Variants in SCN7A observed in about 807,000 individuals in gnomAD.
SCN7A encodes sodium voltage-gated channel alpha subunit 7.
SCN7A carries 138 observed loss-of-function variants against 155.2 expected under a neutral mutation model. The ratio of observed to expected loss-of-function variants is 0.89; its 90% confidence interval spans 0.77 to 1.02. The LOEUF (loss-of-function observed/expected upper bound fraction) is 1.02. Among genes scored for constraint, SCN7A ranks in the 50% least tolerant of loss-of-function variants. The pLI, the probability that SCN7A is intolerant of heterozygous loss-of-function variation, is 0.00. For synonymous variants in SCN7A, 693 were observed against 649.0 expected (o/e 1.07, Z -1.03); for missense variants, 2,058 against 1,986.6 (o/e 1.04, Z -0.68).
chr2:166,412,404 T>G, intron 23 of SCN7A, 126 bp downstream of exon 23: 2 of 1,091,870 alleles, frequency 1.8e-6, no homozygotes, highest in Non-Finnish European at 2.4e-6. Context: ...TTTTTTAAGA[T>G]ACATGTCAAA....
chr2:166,475,087 TATATACAC>T (rs1378642068), intron 3 of SCN7A, among the ~76,000 whole-genome samples: 6 of 121,078 alleles, frequency 5.0e-5, no homozygotes, highest in Admixed American at 2.7e-4. Context: ...TGTGTATATA[TATATACAC>T]ATATATATGT....
chr2:166,435,238 A>C (rs536104440), intron 15 of SCN7A, among the ~76,000 whole-genome samples: 4 of 152,240 alleles, frequency 2.6e-5, no homozygotes, highest in African/African-American at 9.6e-5. Flanking sequence ...TTAAGGATTT[A>C]AAGGAAAAGA....
At chr2:166,426,620 AAC>A (rs1701630540) in intron 18 of SCN7A, among the ~76,000 whole-genome samples, 1 of 152,130 alleles carries the variant, frequency 6.6e-6, no homozygotes, top group Non-Finnish European at 1.5e-5. Context: ...ATACAAAAGT[AAC>A]ACACAGTTTG....
intron 21 of SCN7A, chr2:166,414,382 C>A: frequency 1.6e-5 from 2 of 128,362 alleles, no homozygotes; most frequent in Admixed American, 9.2e-5. Flanking sequence ...CAGATACTAG[C>A]CCAAACTATT....
rs772318275 is a variant in SCN7A, at chr2:166,405,793, T to C, written c.4836A>G (p.Thr1612=). The C allele has an allele frequency of 6.8e-6, 11 of 1,612,984 alleles. No individual in the cohort carries two copies. Among genetic ancestry groups the C allele is most frequent in the Middle Eastern group, 1.6e-4 (1 of 6,072 alleles). The stretch of plus-strand genomic sequence containing the variant: ...TCAAAGTAGTCGTAATTGGCTCACA[T>C]GTGATCTTAAAAGGGTTGGCTAACA... The part of the protein sequence containing the change: ...GFLLANPFKI[T]CEPITTTLKR... The change falls in exon 26 of 26, where the codon ACA becomes ACG. Residue 1612 remains threonine (T), a synonymous_variant. Coordinates refer to ENST00000643258, the MANE Select transcript of SCN7A (RefSeq NM_002976.4).
At chr2:166,453,608 A>T (rs929094974) in intron 11 of SCN7A, among the ~76,000 whole-genome samples, 1 of 152,198 alleles carries the variant, frequency 6.6e-6, no homozygotes, top group African/African-American at 2.4e-5. Context: ...CAGATAAAAA[A>T]GTTGAAGTTT....
intron 11 of SCN7A, among the ~76,000 whole-genome samples, chr2:166,453,683 A>G (rs1702221502): frequency 6.6e-6 from 1 of 152,194 alleles, no homozygotes. Context: ...GCTGAAATCC[A>G]TATTTATCTA....
chr2:166,409,159 C>A (rs1701141514), intron 25 of SCN7A, among the ~76,000 whole-genome samples: 1 of 151,848 alleles, frequency 6.6e-6, no homozygotes, highest in Admixed American at 6.6e-5. Context: ...AGTCTTTATT[C>A]TCAAAGAGAA....
chr2:166,432,803 T>A lies in SCN7A; in HGVS notation c.2158-51A>T, dbSNP rs1701762571. 9.7e-6 allele frequency: 13 copies of A among 1,342,162 alleles called. No homozygotes were observed. The South Asian group carries it at 2.0e-4, about 21-fold the overall frequency. 83.1% of individuals were successfully genotyped at this position (1,342,162 alleles called of 1,614,324 possible). A position where few individuals can be genotyped will look rare whatever the true frequency, so the allele number is the denominator to read the frequency against. On this transcript the variant is annotated intron_variant, in intron 15 of 25. Coordinates refer to ENST00000643258, the MANE Select transcript of SCN7A (RefSeq NM_002976.4). Reference sequence around the variant, plus strand: ...AAATGTATCTCATTTTGTTTCATTTTAAGTAATGAAAAGTTTGTTTACAAA... The same window carrying A: ...AAATGTATCTCATTTTGTTTCATTTAAAGTAATGAAAAGTTTGTTTACAAA...
In SCN7A at chr2:166,441,468, G is replaced by A. The variant is rs767132512; in HGVS notation, c.2085C>T (p.Asp695=). The A allele has an allele frequency of 2.5e-5, 41 of 1,613,848 alleles. No individual in the cohort carries two copies. The South Asian group carries it at 4.4e-4, about 17-fold the overall frequency. Residue 695 remains aspartate, a synonymous_variant, in exon 15 of 26, where the codon GAC becomes GAT. Coordinates refer to ENST00000643258, the MANE Select transcript of SCN7A (RefSeq NM_002976.4). ...LCGEWVETLW[D]CMEVAGQSWC... ...AGGATTGGCCTGCAACCTCCATACA[G>A]TCCCACAAGGTCTCTACCCACTCTC...
At chr2:166,409,496 A>G (rs1370783189) in intron 25 of SCN7A, among the ~76,000 whole-genome samples, 169 bp downstream of exon 25, 1 of 151,962 alleles carries the variant, frequency 6.6e-6, no homozygotes, top group Admixed American at 6.6e-5. Flanking sequence ...TATGAATACA[A>G]ATGTGAAGCA....
At chr2:166,468,166 G>A (rs1480790433) in intron 7 of SCN7A, among the ~76,000 whole-genome samples, 1 of 151,942 alleles carries the variant, frequency 6.6e-6, no homozygotes, top group African/African-American at 2.4e-5. Flanking sequence ...GTTAATATAA[G>A]TAATGACCTT....
At chr2:166,491,351 C>T (rs1225640391) in intron 1 of SCN7A, among the ~76,000 whole-genome samples, 1 of 152,162 alleles carries the variant, frequency 6.6e-6, no homozygotes, top group Non-Finnish European at 1.5e-5. Context: ...AGCTGGTTAT[C>T]CTTGTCCAGC....
chr2:166,466,227 A>G (rs1702531060), intron 7 of SCN7A, among the ~76,000 whole-genome samples: 1 of 152,152 alleles, frequency 6.6e-6, no homozygotes, highest in Non-Finnish European at 1.5e-5. Context: ...AAAATTAATC[A>G]TTTGTTTGTT....
At chr2:166,491,722 A>G (rs1683110760) in intron 1 of SCN7A, among the ~76,000 whole-genome samples, 1 of 124,872 alleles carries the variant, frequency 8.0e-6, no homozygotes, top group African/African-American at 3.1e-5. Context: ...ATAATGGGTG[A>G]CTGTGCATTG....
chr2:166,467,131 T>C (rs1303378963), intron 7 of SCN7A, among the ~76,000 whole-genome samples: 1 of 151,904 alleles, frequency 6.6e-6, no homozygotes, highest in Non-Finnish European at 1.5e-5. Flanking sequence ...CTGTGTCAAA[T>C]ATACTACAGT....
chr2:166,450,608 A>G (rs1277310851), intron 11 of SCN7A, among the ~76,000 whole-genome samples: 1 of 152,176 alleles, frequency 6.6e-6, no homozygotes, highest in African/African-American at 2.4e-5. Flanking sequence ...ATCCTGGCCA[A>G]CATGGTGAAA....
At chr2:166,469,166 G>GT (rs1195830073) in intron 7 of SCN7A, among the ~76,000 whole-genome samples, 1 of 151,190 alleles carries the variant, frequency 6.6e-6, no homozygotes, top group Non-Finnish European at 1.5e-5. Context: ...ATGGAATTTA[G>GT]TTTTTTCTCC....
chr2:166,410,556 G>A (rs928968435), intron 23 of SCN7A, among the ~76,000 whole-genome samples: 5 of 151,978 alleles, frequency 3.3e-5, no homozygotes, highest in African/African-American at 9.7e-5. Flanking sequence ...CTCTAAGTGC[G>A]CTTTCTTAGG....
Sources: gnomAD v4.1 joint callset for allele counts (sites outside exome capture counted in the v4.1 genomes callset) on GRCh38, gnomAD v4.1.1 for gene constraint, MANE v1.5 for transcripts, NCBI Gene and HGNC (gene_info 2026-07-23, HGNC 2026-07-21) for gene names.